Variants in CSMD1 observed in about 807,000 individuals in gnomAD.
CSMD1 encodes CUB and sushi domain-containing protein 1.
Under a neutral mutation model 417.5 loss-of-function variants are expected in CSMD1, and 213 were observed. The ratio of observed to expected loss-of-function variants is 0.51; its 90% CI spans 0.46 to 0.57. The LOEUF is 0.57. Among genes scored for constraint, CSMD1 ranks in the 20% least tolerant of loss-of-function variants. The pLI is 0.00. For missense variants in CSMD1, 6,923 were observed against 4,529.7 expected (o/e 1.53, Z -15.17); for synonymous variants, 2,862 against 1,736.8 (o/e 1.65, Z -16.11).
chr8:2,966,127 G>A (rs74488053), intron 58 of CSMD1, among the ~76,000 whole-genome samples, 173 bp from the exon 59 acceptor site: 5,857 of 152,292 alleles, frequency 0.038, 382 homozygotes, highest in African/African-American at 0.14. Context: ...GCTGTCAGAA[G>A]GAACACTTGT....
chr8:3,132,187 C>T (rs543214101), intron 41 of CSMD1, among the ~76,000 whole-genome samples: 3 of 152,182 alleles, frequency 2.0e-5, no homozygotes, highest in Admixed American at 6.5e-5. Context: ...GCAGATATCT[C>T]AGTCACAGAG....
chr8:4,447,204 A>G (rs1191900097), intron 2 of CSMD1, among the ~76,000 whole-genome samples: 1 of 152,248 alleles, frequency 6.6e-6, no homozygotes, highest in Non-Finnish European at 1.5e-5. Context: ...GGATAAGGGA[A>G]AACAAATATA....
rs573005933 is a variant in CSMD1 at position 4,041,142 on chromosome 8, G to A, written c.416-9043C>T. On this transcript the variant is annotated intron_variant, in intron 3 of 69. Coordinates refer to ENST00000635120, the MANE Select transcript of CSMD1 (RefSeq NM_033225.6). ...CGCCATTCTCCTGCCTCAGCCTCCCGAGTAGCTGGGACTACAGGCGCCCGC... is the reference window on the plus strand; with the variant it reads ...CGCCATTCTCCTGCCTCAGCCTCCCAAGTAGCTGGGACTACAGGCGCCCGC... Among the ~76,000 whole-genome samples the A allele has an allele frequency of 5.5e-4, 82 of 148,892 alleles. No homozygotes were observed. In the South Asian group the frequency reaches 0.015, roughly 27 times the overall value.
intron 23 of CSMD1, among the ~76,000 whole-genome samples, chr8:3,312,769 G>A (rs372573083): frequency 6.6e-6 from 1 of 151,330 alleles, no homozygotes; most frequent in East Asian, 1.9e-4. Context: ...TGCCCTTAGA[G>A]CCATAGCATG....
chr8:3,728,300 C>T (rs1474206594), intron 6 of CSMD1, among the ~76,000 whole-genome samples: 1 of 152,134 alleles, frequency 6.6e-6, no homozygotes. Flanking sequence ...GCTCTTCCTT[C>T]ATCTTCCACC....
chr8:3,813,784 C>G (rs980959826), intron 5 of CSMD1, among the ~76,000 whole-genome samples: 2 of 152,112 alleles, frequency 1.3e-5, no homozygotes, highest in South Asian at 2.1e-4. Flanking sequence ...TGATCTCACT[C>G]TATTAATGTC....
rs376466611 is a variant in CSMD1, at chr8:3,817,787, A to G, written c.819-63745T>C. 7.2e-5 allele frequency among the ~76,000 whole-genome samples: 11 copies of G among 152,230 alleles called. No homozygotes were observed. The East Asian group carries it at 1.6e-3, about 21-fold the overall frequency. ...CTTCCAAAAGCCCCAATGCAGACCA[A>G]AGTCAGGAATGTTTAATAAGCACGT... is the stretch of plus-strand genomic sequence containing the variant. On this transcript the variant is annotated intron_variant, in intron 5 of 69. Coordinates refer to ENST00000635120, the MANE Select transcript of CSMD1 (RefSeq NM_033225.6).
intron 8 of CSMD1, among the ~76,000 whole-genome samples, chr8:3,597,097 C>A (rs1462966825): frequency 2.0e-5 from 3 of 152,326 alleles, no homozygotes; most frequent in East Asian, 1.9e-4. Flanking sequence ...GCTGGCTGCA[C>A]TGAGCCTGCT....
At chr8:4,233,367 G>C (rs1801858635) in intron 3 of CSMD1, among the ~76,000 whole-genome samples, 1 of 152,126 alleles carries the variant, frequency 6.6e-6, no homozygotes, top group South Asian at 2.1e-4. Context: ...GTTTTTCTCA[G>C]TGACTAAGTA....
At chr8:3,542,822 C>T (rs115218318) in intron 10 of CSMD1, among the ~76,000 whole-genome samples, 25 of 152,318 alleles carry the variant, frequency 1.6e-4, no homozygotes, top group African/African-American at 6.0e-4. Flanking sequence ...TAAGCAAGAT[C>T]CATAACCCTG....
At chr8:4,404,146 G>C (rs149380332) in intron 3 of CSMD1, among the ~76,000 whole-genome samples, 1 of 152,118 alleles carries the variant, frequency 6.6e-6, no homozygotes. Flanking sequence ...TTTTCTCAGC[G>C]TAGAGCTTTC....
intron 2 of CSMD1, among the ~76,000 whole-genome samples, chr8:4,453,826 T>TA (rs1799303676): frequency 1.5e-5 from 2 of 131,342 alleles, no homozygotes; most frequent in African/African-American, 5.7e-5. Context: ...TTTTTTTTTT[T>TA]TTTTTTTTTT....
chr8:3,826,425 C>T (rs191130950), intron 5 of CSMD1, among the ~76,000 whole-genome samples: 17 of 152,284 alleles, frequency 1.1e-4, no homozygotes, highest in African/African-American at 3.9e-4. Flanking sequence ...ATTAGGGAGA[C>T]CGCTCTTCTG....
At chr8:3,712,709 T>C (rs1402247296) in intron 6 of CSMD1, among the ~76,000 whole-genome samples, 2 of 152,172 alleles carry the variant, frequency 1.3e-5, no homozygotes, top group South Asian at 2.1e-4. Context: ...TGAGTTTCTG[T>C]TTTGTTTTAT....
chr8:4,976,768 T>A (rs75293043), intron 1 of CSMD1, among the ~76,000 whole-genome samples: 1 of 152,156 alleles, frequency 6.6e-6, no homozygotes, highest in Non-Finnish European at 1.5e-5. Flanking sequence ...ATGGCAAATG[T>A]GATATGGTAG....
intron 1 of CSMD1, among the ~76,000 whole-genome samples, chr8:4,692,845 C>G (rs751374262): frequency 3.4e-4 from 52 of 152,324 alleles, no homozygotes; most frequent in Non-Finnish European, 7.1e-4. Context: ...ACTACTTTCT[C>G]ATCATACTGT....
intron 57 of CSMD1, among the ~76,000 whole-genome samples, chr8:2,967,227 T>C (rs1737668890): frequency 1.3e-5 from 2 of 152,340 alleles, no homozygotes; most frequent in East Asian, 3.9e-4. Flanking sequence ...TCCAGGAGAA[T>C]TCACTTTGGA....
chr8:4,458,332 G>A (rs746018672), intron 2 of CSMD1, among the ~76,000 whole-genome samples: 1 of 152,046 alleles, frequency 6.6e-6, no homozygotes, highest in Admixed American at 6.6e-5. Flanking sequence ...GGATCGATTA[G>A]CTGAAAGTTA....
At chr8:3,655,943 G>A (rs2469389) in intron 7 of CSMD1, among the ~76,000 whole-genome samples, 60,415 of 152,018 alleles carry the variant, frequency 0.4, 12,737 homozygotes, top group Middle Eastern at 0.47. Context: ...GAGCCCTCCA[G>A]AGACTCTGAT....
Sources: gnomAD v4.1 joint callset for allele counts (sites outside exome capture counted in the v4.1 genomes callset) on GRCh38, gnomAD v4.1.1 for gene constraint, MANE v1.5 for transcripts, NCBI Gene and HGNC (gene_info 2026-07-23, HGNC 2026-07-21) for gene names.